PRKG1: variants seen among roughly 807,000 people sequenced by gnomAD.
PRKG1 encodes the protein cGMP-dependent protein kinase 1.
In PRKG1, 35 loss-of-function variants were observed where a neutral mutation model predicts 88.1. The observed-to-expected ratio is 0.40, with a 90% CI of 0.30 to 0.53. The LOEUF is 0.53. PRKG1 is among the 20% of genes least tolerant of loss of function. The pLI is 0.59. For synonymous variants in PRKG1, 303 were observed against 292.5 expected (o/e 1.04, Z -0.37); for missense variants, 540 against 839.8 (o/e 0.64, Z 4.41).
upstream of PRKG1, among the ~76,000 whole-genome samples, chr10:51,070,755 G>A (rs981401720): frequency 8.5e-5 from 13 of 152,182 alleles, no homozygotes; most frequent in Admixed American, 2.0e-4. Flanking sequence ...CAATTATGAG[G>A]ATTGGGTGCA....
intron 3 of PRKG1, among the ~76,000 whole-genome samples, chr10:51,529,092 A>G (rs1467662101): frequency 6.6e-6 from 1 of 151,840 alleles, no homozygotes; most frequent in Non-Finnish European, 1.5e-5. Context: ...CAACCTCCAA[A>G]TCTCTTCTAT....
intron 2 of PRKG1, among the ~76,000 whole-genome samples, chr10:51,202,937 T>C (rs1164091822): frequency 6.6e-6 from 1 of 152,146 alleles, no homozygotes; most frequent in African/African-American, 2.4e-5. Context: ...GCTGACTATA[T>C]AGAATAAATA....
intron 2 of PRKG1, among the ~76,000 whole-genome samples, chr10:51,193,957 G>A (rs1009033061): frequency 6.6e-6 from 1 of 152,128 alleles, no homozygotes; most frequent in East Asian, 1.9e-4. Context: ...TCTTGCTGGG[G>A]CAGGTCAGGA....
At chr10:51,958,615 A>C (rs1475225249) in intron 5 of PRKG1, among the ~76,000 whole-genome samples, 2 of 146,218 alleles carry the variant, frequency 1.4e-5, no homozygotes, top group Non-Finnish European at 3.0e-5. Context: ...ATATGTGTAC[A>C]CATGAGTGTT....
chr10:52,066,820 C>G (rs545729700), intron 7 of PRKG1, among the ~76,000 whole-genome samples: 1 of 152,332 alleles, frequency 6.6e-6, no homozygotes, highest in South Asian at 2.1e-4. Flanking sequence ...CAGACCATTT[C>G]TGCAAACTCT....
intron 6 of PRKG1, among the ~76,000 whole-genome samples, chr10:52,061,004 A>G (rs765911220): frequency 2.0e-5 from 3 of 152,026 alleles, no homozygotes; most frequent in Non-Finnish European, 4.4e-5. Flanking sequence ...CTTTTATATG[A>G]ACATGGGTGA....
chr10:51,074,293 C>A (rs1007015496), upstream of PRKG1: 9 of 380,728 alleles, frequency 2.4e-5, no homozygotes, highest in Admixed American at 1.9e-4. Flanking sequence ...CGACTCTTCT[C>A]CCCCGCGCCG....
intron 7 of PRKG1, chr10:52,081,485 C>G: frequency 2.3e-6 from 1 of 429,156 alleles, no homozygotes; most frequent in Non-Finnish European, 4.7e-6. Flanking sequence ...CACCACCTAG[C>G]TAAAAAGTCA....
At chr10:51,561,841 G>C (rs532031756) in intron 3 of PRKG1, among the ~76,000 whole-genome samples, 2 of 152,074 alleles carry the variant, frequency 1.3e-5, no homozygotes, top group South Asian at 4.2e-4. Context: ...GAGAGTGATT[G>C]GTCTAAACTG....
intron 3 of PRKG1, among the ~76,000 whole-genome samples, chr10:51,626,994 A>T (rs902623246): frequency 3.3e-5 from 5 of 152,184 alleles, no homozygotes; most frequent in African/African-American, 1.2e-4. Context: ...AAGTATGGAA[A>T]TGAGAGACAT....
At chr10:51,884,644 A>G (rs570630769) in intron 4 of PRKG1, among the ~76,000 whole-genome samples, 18 of 152,158 alleles carry the variant, frequency 1.2e-4, no homozygotes, top group African/African-American at 3.1e-4. Context: ...AGCTGAGGCC[A>G]TGCGTACACT....
At chr10:51,171,243 C>T (rs1167081881) in intron 2 of PRKG1, among the ~76,000 whole-genome samples, 1 of 152,108 alleles carries the variant, frequency 6.6e-6, no homozygotes, top group Non-Finnish European at 1.5e-5. Flanking sequence ...ACTGACAAAA[C>T]TCTCAGGGAA....
chr10:51,136,306 G>T (rs111435811), intron 1 of PRKG1, among the ~76,000 whole-genome samples: 52 of 152,078 alleles, frequency 3.4e-4, no homozygotes, highest in African/African-American at 1.1e-3. Context: ...GCATTCAGTT[G>T]GGACTTCGGT....
intron 1 of PRKG1, among the ~76,000 whole-genome samples, chr10:50,997,901 G>A (rs1370881830): frequency 1.3e-5 from 2 of 152,090 alleles, no homozygotes; most frequent in Non-Finnish European, 2.9e-5. Context: ...ACATACACAC[G>A]TGTCAAACTG....
At chr10:51,028,395 T>A (rs1477128714) in intron 1 of PRKG1, among the ~76,000 whole-genome samples, 1 of 152,172 alleles carries the variant, frequency 6.6e-6, no homozygotes, top group African/African-American at 2.4e-5. Context: ...GTGGCGCTGT[T>A]TTCACTTGTG....
chr10:51,927,134 C>T (rs1842596032), intron 5 of PRKG1, among the ~76,000 whole-genome samples: 1 of 152,020 alleles, frequency 6.6e-6, no homozygotes, highest in African/African-American at 2.4e-5. Flanking sequence ...ATATTCCTAT[C>T]CAAATCTCAT....
chr10:51,577,905 C>G (rs372574087), intron 3 of PRKG1, among the ~76,000 whole-genome samples: 1 of 152,076 alleles, frequency 6.6e-6, no homozygotes, highest in East Asian at 1.9e-4. Context: ...AATTGACAGG[C>G]AGTTTTTTAA....
intron 6 of PRKG1, among the ~76,000 whole-genome samples, chr10:52,054,805 G>A (rs1369692745): frequency 1.3e-5 from 2 of 152,096 alleles, no homozygotes; most frequent in African/African-American, 4.8e-5. Context: ...ATATATTTGT[G>A]TGAATAGAAA....
At chr10:51,604,522 C>T (rs1469050082) in intron 3 of PRKG1, among the ~76,000 whole-genome samples, 2 of 152,186 alleles carry the variant, frequency 1.3e-5, no homozygotes, top group African/African-American at 4.8e-5. Flanking sequence ...ATCATGGGCT[C>T]TCGCCACACA....
Sources: allele counts gnomAD v4.1 joint callset (sites outside exome capture counted in the v4.1 genomes callset), GRCh38; gene constraint gnomAD v4.1.1; transcripts MANE v1.5; gene names NCBI Gene and HGNC (gene_info 2026-07-23, HGNC 2026-07-21).